EGFLAM: variants seen among roughly 807,000 people sequenced by gnomAD.
EGFLAM encodes the protein EGF like, fibronectin type III and laminin G domains, also known as pikachurin.
Under a neutral mutation model 113.1 loss-of-function variants are expected in EGFLAM, and 79 were observed. The ratio of observed to expected loss-of-function variants is 0.70; its 90% CI spans 0.58 to 0.84. The LOEUF is 0.84. Among genes scored for constraint, EGFLAM ranks in the 40% least tolerant of loss-of-function variants. EGFLAM has a pLI of 0.00. For synonymous variants in EGFLAM, 504 were observed against 487.6 expected (o/e 1.03, Z -0.44); for missense variants, 1,265 against 1,291.6 (o/e 0.98, Z 0.32).
chr5:38,356,490 T>A (rs537923319), intron 5 of EGFLAM, among the ~76,000 whole-genome samples: 12 of 152,302 alleles, frequency 7.9e-5, no homozygotes, highest in African/African-American at 2.9e-4. Context: ...ATAAGTTACT[T>A]TGCCAAGATA....
intron 3 of EGFLAM, among the ~76,000 whole-genome samples, chr5:38,342,451 T>C (rs948651991): frequency 6.6e-6 from 1 of 152,228 alleles, no homozygotes; most frequent in Non-Finnish European, 1.5e-5. Flanking sequence ...TTTGGTTTTC[T>C]GGATTGAATG....
chr5:38,428,103 TC>T (rs2112196103), intron 14 of EGFLAM, among the ~76,000 whole-genome samples: 1 of 152,344 alleles, frequency 6.6e-6, no homozygotes, highest in East Asian at 1.9e-4. Flanking sequence ...TTTGTCTAAT[TC>T]GTCTTTTTTG....
rs1339026058 is a variant in EGFLAM, at chr5:38,314,094, T to C, written c.98-23426T>C. On this transcript the variant is annotated intron_variant, in intron 1 of 21. Coordinates refer to ENST00000322350, the MANE Select transcript of EGFLAM (RefSeq NM_152403.4). Reference sequence around the variant, plus strand: ...TGGGTGTGAATGAGGAGAATCTTCTTGTTTTATGGCTTTACCAATATATAC... The same window carrying C: ...TGGGTGTGAATGAGGAGAATCTTCTCGTTTTATGGCTTTACCAATATATAC... Among the ~76,000 whole-genome samples, 7 of 152,248 alleles carry C rather than the reference T, an allele frequency of 4.6e-5. No individual in the cohort carries two copies. In the East Asian group the frequency reaches 1.3e-3, roughly 29 times the overall value.
At chr5:38,385,922 G>A (rs972556320) in intron 6 of EGFLAM, among the ~76,000 whole-genome samples, 3 of 152,168 alleles carry the variant, frequency 2.0e-5, no homozygotes, top group African/African-American at 7.2e-5. Flanking sequence ...CCTACAGCAC[G>A]CCTAGGATCT....
chr5:38,448,322 T>A lies in EGFLAM; in HGVS notation c.2486T>A (p.Ile829Asn), dbSNP rs752695631. The change falls in exon 18 of 22, where the codon ATC becomes AAC. Residue 829 changes from isoleucine to asparagine, a missense_variant. Coordinates refer to ENST00000322350, the MANE Select transcript of EGFLAM (RefSeq NM_152403.4). Reference sequence around the variant, plus strand: ...CCAGCGATCATAGAAGCCATTGAGATCCCGCAGTTTATCGGCCGCAGTTAC... The same window carrying A: ...CCAGCGATCATAGAAGCCATTGAGAACCCGCAGTTTATCGGCCGCAGTTAC... The part of the protein sequence containing the change: ...CQKAIIEAIE[I>N]PQFIGRSYLT... 3 of 1,614,142 alleles carry A rather than the reference T, an allele frequency of 1.9e-6. No individual in the cohort carries two copies. The South Asian group carries it at 3.3e-5, about 18-fold the overall frequency.
intron 5 of EGFLAM, among the ~76,000 whole-genome samples, chr5:38,365,815 G>A (rs1013405809): frequency 3.9e-5 from 6 of 152,040 alleles, no homozygotes; most frequent in African/African-American, 1.2e-4. Context: ...TACTTACTGT[G>A]AGTCAAGGTC....
At chr5:38,449,139 A>G (rs1579948489) in intron 18 of EGFLAM, among the ~76,000 whole-genome samples, 1 of 151,916 alleles carries the variant, frequency 6.6e-6, no homozygotes, top group African/African-American at 2.4e-5. Context: ...TGTGGTTTCT[A>G]GTGTGCTATT....
intron 6 of EGFLAM, among the ~76,000 whole-genome samples, chr5:38,371,039 T>C (rs1289895204): frequency 3.9e-5 from 6 of 152,150 alleles, no homozygotes; most frequent in Non-Finnish European, 8.8e-5. Context: ...CAGATTCTGT[T>C]TTTGGTGTGG....
chr5:38,433,243 C>T (rs1036304831), intron 15 of EGFLAM, among the ~76,000 whole-genome samples: 2 of 152,146 alleles, frequency 1.3e-5, no homozygotes, highest in African/African-American at 4.8e-5. Flanking sequence ...CACCTAAGAG[C>T]CTGTGTGCAG....
rs201465878 is a variant in EGFLAM at position 38,438,267 on chromosome 5, C to T, written c.2284-8C>T. On this transcript the variant is annotated splice_polypyrimidine_tract_variant and splice_region_variant and intron_variant, in intron 16 of 21. Coordinates refer to ENST00000322350, the MANE Select transcript of EGFLAM (RefSeq NM_152403.4). Reference sequence around the variant, plus strand: ...TTCCTGAATTTCTTTATGTTTTTCTCTCTCAAGATCATCCTGAATGACCGA... The same window carrying T: ...TTCCTGAATTTCTTTATGTTTTTCTTTCTCAAGATCATCCTGAATGACCGA... The T allele has an allele frequency of 1.6e-4, 264 of 1,605,736 alleles. No individual in the cohort carries two copies. In the African/African-American group the frequency reaches 3.0e-3, roughly 18 times the overall value.
intron 1 of EGFLAM, among the ~76,000 whole-genome samples, chr5:38,300,516 C>T (rs1013049007): frequency 6.6e-6 from 1 of 152,150 alleles, no homozygotes; most frequent in African/African-American, 2.4e-5. Context: ...GCTGGGACTA[C>T]AGGCACATGC....
chr5:38,270,144 G>A (rs1757733345), intron 1 of EGFLAM, among the ~76,000 whole-genome samples: 1 of 152,198 alleles, frequency 6.6e-6, no homozygotes, highest in African/African-American at 2.4e-5. Flanking sequence ...CTCACTGGTT[G>A]GTATGTGGGG....
At chr5:38,413,185 A>ATTTTTTTTTTTTTTTTTT (rs34326457) in intron 11 of EGFLAM, among the ~76,000 whole-genome samples, 1 of 100,882 alleles carries the variant, frequency 9.9e-6, no homozygotes, top group Non-Finnish European at 1.9e-5. Context: ...TGCCTGGCTA[A>ATTTTTTTTTTTTTTTTTT]TTTTTTTTTT....
chr5:38,368,030 T>G (rs1007853712), intron 5 of EGFLAM, among the ~76,000 whole-genome samples: 6 of 152,244 alleles, frequency 3.9e-5, no homozygotes, highest in Admixed American at 3.9e-4. Flanking sequence ...AGTTTTTACA[T>G]AAAGATTGTT....
intron 1 of EGFLAM, among the ~76,000 whole-genome samples, chr5:38,317,672 G>T (rs1288561455): frequency 1.3e-5 from 2 of 152,168 alleles, no homozygotes; most frequent in Non-Finnish European, 2.9e-5. Flanking sequence ...TTGAAAGACA[G>T]GAAATGTCAA....
intron 12 of EGFLAM, among the ~76,000 whole-genome samples, chr5:38,418,692 A>T (rs1324846956): frequency 6.6e-6 from 1 of 152,220 alleles, no homozygotes; most frequent in Admixed American, 6.5e-5. Context: ...GCTGTGCCAA[A>T]CATCTTCTCA....
At chr5:38,338,311 A>G (rs1337067926) in intron 2 of EGFLAM, among the ~76,000 whole-genome samples, 1 of 152,138 alleles carries the variant, frequency 6.6e-6, no homozygotes, top group African/African-American at 2.4e-5. Flanking sequence ...CATTTCACCA[A>G]GGGACAGTAG....
intron 1 of EGFLAM, among the ~76,000 whole-genome samples, chr5:38,333,817 TG>T (rs773124654): frequency 7.5e-4 from 114 of 152,238 alleles, no homozygotes; most frequent in Admixed American, 1.3e-3. Context: ...AGATTCCATT[TG>T]TCAATTTTTG....
At chr5:38,436,820 G>T (rs1034199628) in intron 16 of EGFLAM, among the ~76,000 whole-genome samples, 1 of 152,226 alleles carries the variant, frequency 6.6e-6, no homozygotes, top group African/African-American at 2.4e-5. Flanking sequence ...CAGCCTGAAA[G>T]GGGGAGATTG....
Sources: allele counts gnomAD v4.1 joint callset (sites outside exome capture counted in the v4.1 genomes callset), GRCh38; gene constraint gnomAD v4.1.1; transcripts MANE v1.5; gene names NCBI Gene and HGNC (gene_info 2026-07-23, HGNC 2026-07-21).